AUTS2: variants seen among roughly 807,000 people sequenced by gnomAD.
AUTS2 encodes activator of transcription and developmental regulator AUTS2, also known as autism susceptibility gene 2 protein.
A neutral mutation model predicts 112.4 loss-of-function variants in AUTS2; 17 were observed. The observed-to-expected ratio is 0.15, with a 90% CI of 0.10 to 0.23. AUTS2 has a LOEUF of 0.23. Among genes scored for constraint, AUTS2 ranks in the 10% least tolerant of loss-of-function variants. The pLI is 1.00. For missense variants in AUTS2, 1,510 were observed against 1,701.6 expected, an observed-to-expected ratio of 0.89 and a Z score of 1.98; for synonymous variants, 751 against 702.7, an observed-to-expected ratio of 1.07 and a Z score of -1.09.
intron 2 of AUTS2, among the ~76,000 whole-genome samples, chr7:70,092,580 G>A (rs1261208211): frequency 6.6e-6 from 1 of 152,162 alleles, no homozygotes; most frequent in Non-Finnish European, 1.5e-5. Flanking sequence ...TAGTGACTTG[G>A]CATGCAGACA....
intron 1 of AUTS2, among the ~76,000 whole-genome samples, chr7:69,838,441 G>A: frequency 6.6e-6 from 1 of 152,134 alleles, no homozygotes; most frequent in South Asian, 2.1e-4. Flanking sequence ...TGTTTTACAA[G>A]TGAGGAAACT....
At chr7:70,004,376 A>T (rs1270056926) in intron 2 of AUTS2, among the ~76,000 whole-genome samples, 1 of 125,172 alleles carries the variant, frequency 8.0e-6, no homozygotes, top group Non-Finnish European at 1.6e-5. Flanking sequence ...ATATATATTC[A>T]TATATATATT....
At chr7:70,303,434 G>A (rs368312620) in intron 4 of AUTS2, among the ~76,000 whole-genome samples, 2,816 of 142,018 alleles carry the variant, frequency 0.02, 84 homozygotes, top group African/African-American at 0.059. Context: ...GCGCGCGCGC[G>A]CACATACACA....
chr7:70,770,364 C>T (rs937698983), intron 10 of AUTS2, among the ~76,000 whole-genome samples: 6 of 152,140 alleles, frequency 3.9e-5, no homozygotes, highest in South Asian at 2.1e-4. Context: ...CACGGGATTG[C>T]GAAATGTGAA....
intron 5 of AUTS2, among the ~76,000 whole-genome samples, chr7:70,604,767 C>T (rs1041952833): frequency 2.6e-5 from 4 of 152,192 alleles, no homozygotes; most frequent in Non-Finnish European, 4.4e-5. Context: ...CACTGGAGGC[C>T]ACAGCTCTGC....
At chr7:69,618,002 C>T (rs1793468185) in intron 1 of AUTS2, among the ~76,000 whole-genome samples, 2 of 152,160 alleles carry the variant, frequency 1.3e-5, no homozygotes, top group Admixed American at 6.5e-5. Context: ...GCTTTACATG[C>T]ATTAACACAT....
chr7:70,263,259 CCAA>C, intron 4 of AUTS2, among the ~76,000 whole-genome samples: 1 of 152,146 alleles, frequency 6.6e-6, no homozygotes, highest in African/African-American at 2.4e-5. Context: ...ATAGGGATAT[CCAA>C]TATAACATCC....
At chr7:70,091,957 A>AG (rs1803943631) in intron 2 of AUTS2, among the ~76,000 whole-genome samples, 1 of 152,140 alleles carries the variant, frequency 6.6e-6, no homozygotes, top group Non-Finnish European at 1.5e-5. Context: ...GCTATCAAGT[A>AG]GGGGGGATTA....
chr7:69,684,148 G>A (rs1796949018), intron 1 of AUTS2, among the ~76,000 whole-genome samples: 1 of 152,164 alleles, frequency 6.6e-6, no homozygotes, highest in South Asian at 2.1e-4. Context: ...ACAGCTTTGT[G>A]TCTTGGGGAG....
intron 4 of AUTS2, among the ~76,000 whole-genome samples, chr7:70,391,488 C>T (rs1214709917): frequency 1.3e-5 from 2 of 152,070 alleles, no homozygotes; most frequent in Admixed American, 6.5e-5. Context: ...AAGCACAACC[C>T]GTTGTGGAGT....
At chr7:69,787,802 T>A (rs1449668953) in intron 1 of AUTS2, among the ~76,000 whole-genome samples, 1 of 152,190 alleles carries the variant, frequency 6.6e-6, no homozygotes, top group Non-Finnish European at 1.5e-5. Flanking sequence ...CTCGAACTCC[T>A]GACTTCAGGT....
chr7:70,025,702 C>T (rs1267317502), intron 2 of AUTS2, among the ~76,000 whole-genome samples: 3 of 151,344 alleles, frequency 2.0e-5, no homozygotes, highest in African/African-American at 4.9e-5. Context: ...GTGATCAGCC[C>T]GCCTTGGCCT....
chr7:70,444,900 C>G (rs534744436), intron 5 of AUTS2, among the ~76,000 whole-genome samples: 1 of 152,226 alleles, frequency 6.6e-6, no homozygotes, highest in East Asian at 1.9e-4. Flanking sequence ...TTCTAGTGCT[C>G]TTAGTGGTTT....
chr7:70,604,101 C>T (rs775558121), intron 5 of AUTS2, among the ~76,000 whole-genome samples: 7 of 152,186 alleles, frequency 4.6e-5, no homozygotes, highest in East Asian at 3.9e-4. Flanking sequence ...CAATAAATAT[C>T]GACTGCATGA....
chr7:70,548,394 T>G (rs1298209286), intron 5 of AUTS2, among the ~76,000 whole-genome samples: 3 of 152,212 alleles, frequency 2.0e-5, no homozygotes, highest in Non-Finnish European at 4.4e-5. Context: ...AATGCTGACT[T>G]TTGAAGCACA....
At chr7:69,936,033 G>A (rs2129544430) in intron 2 of AUTS2, among the ~76,000 whole-genome samples, 1 of 152,336 alleles carries the variant, frequency 6.6e-6, no homozygotes, top group Middle Eastern at 3.4e-3. Flanking sequence ...AATGAGTTCT[G>A]TGTATTCACA....
At chr7:70,426,490 T>G (rs1440221262) in intron 4 of AUTS2, among the ~76,000 whole-genome samples, 1 of 152,172 alleles carries the variant, frequency 6.6e-6, no homozygotes, top group Admixed American at 6.6e-5. Context: ...CCTCCTTTCT[T>G]GAAAAGTAAT....
intron 1 of AUTS2, among the ~76,000 whole-genome samples, chr7:69,636,236 A>G (rs1343417415): frequency 2.6e-5 from 4 of 152,254 alleles, no homozygotes; most frequent in Admixed American, 1.3e-4. Flanking sequence ...ATCATACATT[A>G]TCTTTTCTTC....
intron 1 of AUTS2, among the ~76,000 whole-genome samples, chr7:69,667,949 G>A (rs1220599926): frequency 6.6e-6 from 1 of 152,174 alleles, no homozygotes; most frequent in Non-Finnish European, 1.5e-5. Flanking sequence ...TTTTTCTGAT[G>A]CAACAAGCAG....
Sources: gnomAD v4.1 joint callset for allele counts (sites outside exome capture counted in the v4.1 genomes callset) on GRCh38, gnomAD v4.1.1 for gene constraint, MANE v1.5 for transcripts, NCBI Gene and HGNC (gene_info 2026-07-23, HGNC 2026-07-21) for gene names.